Variants in CFAP20DC observed in about 807,000 individuals in gnomAD.
CFAP20DC encodes protein CFAP20DC.
In CFAP20DC, 84 loss-of-function variants were observed where a neutral mutation model predicts 101.7. The observed-to-expected ratio is 0.83, with a 90% CI of 0.69 to 0.99. The LOEUF (loss-of-function observed/expected upper bound fraction) is 0.99, where lower values mean the gene tolerates loss of function less well. Among genes scored for constraint, CFAP20DC ranks in the 50% least tolerant of loss-of-function variants. The pLI is 0.00. For synonymous variants in CFAP20DC, 359 were observed against 351.2 expected (o/e 1.02, Z -0.25); for missense variants, 1,007 against 970.3 (o/e 1.04, Z -0.50).
intron 6 of CFAP20DC, among the ~76,000 whole-genome samples, chr3:58,901,248 T>C (rs2083119623): frequency 6.6e-6 from 1 of 152,246 alleles, no homozygotes; most frequent in Non-Finnish European, 1.5e-5. Context: ...CATTCACTCA[T>C]TCATTTGCCA....
intron 4 of CFAP20DC, among the ~76,000 whole-genome samples, chr3:58,941,567 T>C (rs797003464): frequency 2.6e-5 from 4 of 151,958 alleles, no homozygotes; most frequent in African/African-American, 9.6e-5. Flanking sequence ...ATAACTTTCA[T>C]TTCTTTTTCT....
chr3:58,751,339 ACTGT>A (rs1418358424), intron 16 of CFAP20DC, among the ~76,000 whole-genome samples: 1 of 152,210 alleles, frequency 6.6e-6, no homozygotes, highest in Non-Finnish European at 1.5e-5. Flanking sequence ...CTTAGGTAAG[ACTGT>A]CTGGGAAGGC....
intron 4 of CFAP20DC, among the ~76,000 whole-genome samples, chr3:59,026,007 CAT>C (rs370973010): frequency 2.6e-3 from 401 of 152,174 alleles, no homozygotes; most frequent in Middle Eastern, 0.01. Context: ...ATACCTACCA[CAT>C]ATGTTATCAA....
chr3:58,865,411 A>G (rs1476022676), intron 11 of CFAP20DC, among the ~76,000 whole-genome samples: 1 of 152,218 alleles, frequency 6.6e-6, no homozygotes, highest in African/African-American at 2.4e-5. Flanking sequence ...ATCAATGTAT[A>G]CTTCCTAGAG....
intron 14 of CFAP20DC, among the ~76,000 whole-genome samples, chr3:58,814,395 G>A (rs985070728): frequency 3.3e-5 from 5 of 151,420 alleles, no homozygotes; most frequent in Non-Finnish European, 4.4e-5. Flanking sequence ...CCCACAGCCA[G>A]TATCATACTG....
intron 5 of CFAP20DC, among the ~76,000 whole-genome samples, chr3:58,919,620 T>G (rs1459808085): frequency 6.6e-6 from 1 of 152,220 alleles, no homozygotes; most frequent in Non-Finnish European, 1.5e-5. Flanking sequence ...AAACAAATAG[T>G]CTTGCAATCC....
At chr3:58,973,615 C>G (rs2092089330) in intron 4 of CFAP20DC, among the ~76,000 whole-genome samples, 1 of 152,178 alleles carries the variant, frequency 6.6e-6, no homozygotes, top group African/African-American at 2.4e-5. Flanking sequence ...AGAAATTATC[C>G]TGCCTCACTC....
At chr3:58,927,653 T>A (rs2086133572) in intron 5 of CFAP20DC, among the ~76,000 whole-genome samples, 1 of 152,236 alleles carries the variant, frequency 6.6e-6, no homozygotes. Flanking sequence ...TTTAGAATGC[T>A]GTTTTGAGGT....
chr3:58,930,952 C>T (rs556091140), intron 5 of CFAP20DC, among the ~76,000 whole-genome samples: 210 of 152,160 alleles, frequency 1.4e-3, no homozygotes, highest in African/African-American at 4.7e-3. Context: ...GTGAGCGAGC[C>T]GAAGCAGGGC....
At chr3:58,844,559 A>T (rs2077449602) in intron 13 of CFAP20DC, among the ~76,000 whole-genome samples, 1 of 133,130 alleles carries the variant, frequency 7.5e-6, no homozygotes, top group Non-Finnish European at 1.5e-5. Context: ...ACACATTAAT[A>T]ATGGGAGACT....
At chr3:58,820,260 C>A (rs1252186669) in intron 14 of CFAP20DC, among the ~76,000 whole-genome samples, 2 of 149,346 alleles carry the variant, frequency 1.3e-5, no homozygotes, top group African/African-American at 2.5e-5. Flanking sequence ...TCTCACCACT[C>A]CTATTCAACA....
chr3:58,813,098 C>G (rs2074802799), intron 14 of CFAP20DC, among the ~76,000 whole-genome samples: 3 of 151,766 alleles, frequency 2.0e-5, no homozygotes, highest in Admixed American at 2.0e-4. Flanking sequence ...AATCTTAGGT[C>G]AAGGCAGTCA....
At chr3:58,893,950 C>T (rs2082462816) in intron 6 of CFAP20DC, among the ~76,000 whole-genome samples, 1 of 152,148 alleles carries the variant, frequency 6.6e-6, no homozygotes, top group African/African-American at 2.4e-5. Context: ...AGCAAGTCAC[C>T]TGTTACATGG....
At chr3:58,870,921 A>G (rs1294813371) in intron 7 of CFAP20DC, among the ~76,000 whole-genome samples, 9 of 149,958 alleles carry the variant, frequency 6.0e-5, no homozygotes, top group African/African-American at 2.0e-4. Flanking sequence ...AAAAAAAAAA[A>G]AAAGAAAAAA....
chr3:58,882,260 T>C lies in CFAP20DC; in HGVS notation c.715+2285A>G, dbSNP rs2081285681. Among the ~76,000 whole-genome samples, 1 of 152,032 alleles carries C rather than the reference T, an allele frequency of 6.6e-6. No individual in the cohort carries two copies. The highest frequency in any genetic ancestry group is 2.4e-5 in the African/African-American group (1 of 41,334). On this transcript the variant is annotated intron_variant, in intron 7 of 16. Transcript: ENST00000482387. The surrounding 1 kb of genome is among the most constrained non-coding windows in gnomAD (Gnocchi z 4.2). ...CTCTTTTATGAGTTGGGTTCAAATATGGCCCATGAAAAAGTTTGTGTTTAA... is the reference window on the plus strand; with the variant it reads ...CTCTTTTATGAGTTGGGTTCAAATACGGCCCATGAAAAAGTTTGTGTTTAA...
intron 12 of CFAP20DC, among the ~76,000 whole-genome samples, chr3:58,854,513 A>C (rs993458808): frequency 6.6e-6 from 1 of 152,314 alleles, no homozygotes; most frequent in South Asian, 2.1e-4. Flanking sequence ...ACCAAAAAAG[A>C]GCCCACATTG....
chr3:58,848,972 C>T, intron 13 of CFAP20DC, 60 bp downstream of exon 13: 7 of 1,480,932 alleles, frequency 4.7e-6, no homozygotes, highest in Non-Finnish European at 5.3e-6. Context: ...ATGGGTGGAA[C>T]AGAACGGAAC....
In CFAP20DC at chr3:58,971,381, A is replaced by G. The variant is rs1206692752; in HGVS notation, c.279-33619T>C. ...CAATCAAAATTTGACAGTATCCAACAAGAGGAAAATCTGTCAAATGTTTTA... is the reference window on the plus strand; with the variant it reads ...CAATCAAAATTTGACAGTATCCAACGAGAGGAAAATCTGTCAAATGTTTTA... On this transcript the variant is annotated intron_variant, in intron 4 of 16. Coordinates refer to ENST00000482387, the MANE Select transcript of CFAP20DC (RefSeq NM_001394063.1). This position sits in a 1 kb window ranked among gnomAD's most constrained non-coding sequence, Gnocchi z 4.1. Among the ~76,000 whole-genome samples, 1 of 152,148 alleles carries G rather than the reference A, an allele frequency of 6.6e-6. No individual in the cohort carries two copies. Among genetic ancestry groups the G allele is most frequent in the African/African-American group, 2.4e-5 (1 of 41,438 alleles).
chr3:58,978,260 C>A (rs1227253382), intron 4 of CFAP20DC, among the ~76,000 whole-genome samples: 1 of 152,172 alleles, frequency 6.6e-6, no homozygotes, highest in African/African-American at 2.4e-5. Flanking sequence ...AGCATCCTAT[C>A]CCTGACCTTC....
Sources: allele counts gnomAD v4.1 joint callset (sites outside exome capture counted in the v4.1 genomes callset), GRCh38; gene constraint gnomAD v4.1.1; non-coding constraint Gnocchi (gnomAD v3.1); transcripts MANE v1.5; gene names NCBI Gene and HGNC (gene_info 2026-07-23, HGNC 2026-07-21).